COL18A1: variants seen among roughly 807,000 people sequenced by gnomAD.
COL18A1 encodes the protein collagen type XVIII alpha 1 chain.
A neutral mutation model predicts 168.0 loss-of-function variants in COL18A1; 133 were observed. That is an observed-to-expected ratio of 0.79 (90% CI 0.69 to 0.91). The LOEUF is 0.91. Ranked by LOEUF, COL18A1 falls within the 40% of genes least tolerant of loss-of-function variation. COL18A1 has a pLI of 0.00. For missense variants in COL18A1, 2,126 were observed against 1,925.4 expected, an observed-to-expected ratio of 1.10 and a Z score of -1.95; for synonymous variants, 949 against 809.0, an observed-to-expected ratio of 1.17 and a Z score of -2.94.
At chr21:45,417,576 T>C (rs1177038419) in intron 2 of COL18A1, among the ~76,000 whole-genome samples, 3 of 152,124 alleles carry the variant, frequency 2.0e-5, no homozygotes. Flanking sequence ...AGGACCGCGG[T>C]CTCTCTGGCA....
chr21:45,457,612 G>A lies in COL18A1; in HGVS notation c.107-10630G>A, dbSNP rs978311665. ...CCTGGGGGCAGGGGCAGCCCAGAAA[G>A]GACCCCAGCAGATCCCTCCTCTGTG... On this transcript the variant is annotated intron_variant, in intron 2 of 41. Coordinates refer to ENST00000651438, the MANE Select transcript of COL18A1 (RefSeq NM_001379500.1). The surrounding 1 kb of genome is among the most constrained non-coding windows in gnomAD (Gnocchi z 4.6). 6.6e-6 allele frequency among the ~76,000 whole-genome samples: 1 copy of A among 152,192 alleles called. No homozygotes were observed. The highest frequency in any genetic ancestry group is 1.5e-5 in the Non-Finnish European group (1 of 68,026).
rs1228865191 is a variant in COL18A1, at chr21:45,509,070, G to A, written c.3250-286G>A. ...GCCCTGAATTGGAGCCGCGGCAAAG[G>A]AGAGGGCAGGTCAGGGCACGTGGTG... On this transcript the variant is annotated intron_variant, in intron 38 of 41. Coordinates refer to ENST00000651438, the MANE Select transcript of COL18A1 (RefSeq NM_001379500.1). 2.0e-5 allele frequency among the ~76,000 whole-genome samples: 3 copies of A among 152,136 alleles called. No individual in the cohort carries two copies. The East Asian group carries it at 5.8e-4, about 29-fold the overall frequency.
At chr21:45,433,436 T>G (rs573035756) in intron 2 of COL18A1, among the ~76,000 whole-genome samples, 97 of 152,292 alleles carry the variant, frequency 6.4e-4, no homozygotes, top group Non-Finnish European at 9.4e-4. Flanking sequence ...CTGGTAGTAG[T>G]TCTGTCTGGA....
Position 45,486,852 on chromosome 21 carries a change from C to T in COL18A1, c.1702-9C>T. On this transcript the variant is annotated splice_polypyrimidine_tract_variant and intron_variant, in intron 15 of 41. Transcript: ENST00000651438. ...CTGGGTCCTGACACGCTCTCCTCACCCCACGCAGGGGAGCAAGGGAGCCCC... is the reference window on the plus strand; with the variant it reads ...CTGGGTCCTGACACGCTCTCCTCACTCCACGCAGGGGAGCAAGGGAGCCCC... 4.6e-6 allele frequency: 7 copies of T among 1,527,582 alleles called. No individual in the cohort carries two copies. The highest frequency in any genetic ancestry group is 1.2e-5 in the South Asian group (1 of 82,854). 94.6% of individuals were successfully genotyped at this position (1,527,582 alleles called of 1,614,324 possible). A position where few individuals can be genotyped will look rare whatever the true frequency, so the allele number is the denominator to read the frequency against.
At chr21:45,431,049 C>T (rs1314696331) in intron 2 of COL18A1, among the ~76,000 whole-genome samples, 1 of 152,162 alleles carries the variant, frequency 6.6e-6, no homozygotes, top group Non-Finnish European at 1.5e-5. Flanking sequence ...GCACTGGTCT[C>T]TTGGCTTCCA....
At position 45,509,574 on chromosome 21, in the gene COL18A1, C is replaced by G; in HGVS notation, c.3468C>G (p.Ala1156=). ...LRPARPTSPP[A]HSHRDFQPVL... ...CGGCGCGACCCACAAGCCCACCCGC[C>G]CACAGCCACCGCGACTTCCAGCCGG... The change falls in exon 39 of 42, where the codon GCC becomes GCG. Residue 1156 remains alanine (A), a synonymous_variant. Transcript: ENST00000651438. The G allele has an allele frequency of 6.5e-7, 1 of 1,527,766 alleles. No homozygotes were observed. The highest frequency in any genetic ancestry group is 8.8e-7 in the Non-Finnish European group (1 of 1,138,588). 94.6% of individuals were successfully genotyped at this position (1,527,766 alleles called of 1,614,324 possible).
chr21:45,429,157 T>C (rs1403271821), intron 2 of COL18A1, among the ~76,000 whole-genome samples: 6 of 152,250 alleles, frequency 3.9e-5, no homozygotes, highest in Admixed American at 2.6e-4. Context: ...CGCCTCGGCC[T>C]CCCAAATTGT....
Position 45,480,051 on chromosome 21 carries a change from G to A in COL18A1, c.1312-19G>A, listed in dbSNP as rs1418820885. ...TGTGTGCGTGCCCAGGGTATGATAG[G>A]CTTGTCTTGTGTTCCCAGGGAGACC... On this transcript the variant is annotated intron_variant, in intron 10 of 41. Transcript: ENST00000651438. The A allele has an allele frequency of 4.3e-6, 7 of 1,611,548 alleles. No homozygotes were observed. In the East Asian group the frequency reaches 8.9e-5, roughly 21 times the overall value.
chr21:45,490,833 C>T lies in COL18A1; in HGVS notation c.2032-3C>T, dbSNP rs781306936. On this transcript the variant is annotated splice_polypyrimidine_tract_variant and splice_region_variant and intron_variant, in intron 20 of 41. Transcript: ENST00000651438. ...ATGAACCATTTCCTTCCTGTCTCTC[C>T]AGGGGCCAAAGGGAGACAGAGGCAG... 1.1e-5 allele frequency: 17 copies of T among 1,550,040 alleles called. No individual in the cohort carries two copies. Among genetic ancestry groups the T allele is most frequent in the East Asian group, 7.3e-5 (3 of 40,920 alleles).
intron 28 of COL18A1, 157 bp from the exon 29 acceptor site, chr21:45,495,200 AG>A (rs1276530997): frequency 1.4e-6 from 1 of 696,036 alleles, no homozygotes; most frequent in Non-Finnish European, 2.6e-6. Context: ...TGTGCAGGAA[AG>A]GGGTGAGAAG....
Position 45,473,451 on chromosome 21 carries a change from G to A in COL18A1, c.652-444G>A, listed in dbSNP as rs919815345. Among the ~76,000 whole-genome samples, 2 of 152,238 alleles carry A rather than the reference G, an allele frequency of 1.3e-5. No individual in the cohort carries two copies. The highest frequency in any genetic ancestry group is 4.8e-5 in the African/African-American group (2 of 41,462). ...GAAGTTCAAAGAAAGCAAAGCCATG[G>A]TGCCACCTCGGTTGGTCCGAGTCGG... On this transcript the variant is annotated intron_variant, in intron 3 of 41. Transcript: ENST00000651438. This position sits in a 1 kb window ranked among gnomAD's most constrained non-coding sequence, Gnocchi z 4.0.
chr21:45,437,360 A>G (rs202119669), intron 2 of COL18A1, among the ~76,000 whole-genome samples: 947 of 33,478 alleles, frequency 0.028, 74 homozygotes, highest in African/African-American at 0.072. Context: ...TCTCCTGCGC[A>G]CACACACACA....
At chr21:45,468,112 A>G (rs2035279953) in intron 2 of COL18A1, 130 bp from the exon 3 acceptor site, 1 of 963,066 alleles carries the variant, frequency 1.0e-6, no homozygotes, top group South Asian at 1.6e-5. Context: ...GCAGGCTGCC[A>G]GGCACGTGGA....
intron 32 of COL18A1, among the ~76,000 whole-genome samples, chr21:45,503,697 T>C (rs1043267848): frequency 2.8e-4 from 41 of 148,986 alleles, no homozygotes; most frequent in African/African-American, 9.4e-4. Flanking sequence ...GATGACGAGT[T>C]AGTGGGTGCA....
At chr21:45,477,633 T>A in intron 7 of COL18A1, 117 bp from the exon 8 acceptor site, 1 of 1,261,978 alleles carries the variant, frequency 7.9e-7, no homozygotes, top group Non-Finnish European at 1.1e-6. Context: ...GCGTCCACCC[T>A]GCGTGTCCAC....
At position 45,498,696 on chromosome 21, in the gene COL18A1, C is replaced by G; in HGVS notation, c.2683+1035C>G. 1.5e-6 allele frequency: 1 copy of G among 649,270 alleles called. No individual in the cohort carries two copies. The highest frequency in any genetic ancestry group is 2.8e-6 in the Non-Finnish European group (1 of 354,152). The allele number at this position is 649,270 out of a possible 1,614,324, so 40.2% of individuals were successfully genotyped here. A position where few individuals can be genotyped will look rare whatever the true frequency, so the allele number is the denominator to read the frequency against. On this transcript the variant is annotated intron_variant, in intron 32 of 41. Coordinates refer to ENST00000651438, the MANE Select transcript of COL18A1 (RefSeq NM_001379500.1). The surrounding 1 kb of genome is among the most constrained non-coding windows in gnomAD (Gnocchi z 4.5). ...GCCTTGGATCTCTCAGCGTCACACA[C>G]GACGCCCAGGAAGGAGTGAATGATG...
In COL18A1 at chr21:45,486,936, C is replaced by A; in HGVS notation, c.1777C>A (p.Pro593Thr). ...GGCAGGAGCCCCCGGACCTGCTGGA[C>A]CACCAGGCCCCCCTGGGCCCCCTGG... ...GLAGAPGPAG[P>T]PGPPGPPGPP... Residue 593 changes from proline (P) to threonine (T), a missense_variant, in exon 16 of 42, where the codon CCA (proline) becomes ACA (threonine). By Grantham distance (38) the Pro-to-Thr change is conservative (BLOSUM62 -1). Transcript: ENST00000651438. 1 of 1,503,242 alleles carries A rather than the reference C, an allele frequency of 6.7e-7. No homozygotes were observed. The highest frequency in any genetic ancestry group is 8.9e-7 in the Non-Finnish European group (1 of 1,127,214). The allele number at this position is 1,503,242 out of a possible 1,614,324, so 93.1% of individuals were successfully genotyped here. A position where few individuals can be genotyped will look rare whatever the true frequency, so the allele number is the denominator to read the frequency against.
intron 2 of COL18A1, among the ~76,000 whole-genome samples, chr21:45,406,563 A>AGAGCGGCTGT (rs2033116317): frequency 6.6e-6 from 1 of 152,174 alleles, no homozygotes; most frequent in Admixed American, 6.5e-5. Flanking sequence ...ACACGGGCGG[A>AGAGCGGCTGT]GAGCGGCTGT....
At chr21:45,492,471 T>C (rs2036385445) in intron 22 of COL18A1, 64 bp from the exon 23 acceptor site, 2 of 1,589,966 alleles carry the variant, frequency 1.3e-6, no homozygotes, top group South Asian at 1.1e-5. Context: ...TGTAAGTCGC[T>C]CGAGTCCAGT....
Sources: gnomAD v4.1 joint callset for allele counts (sites outside exome capture counted in the v4.1 genomes callset) on GRCh38, gnomAD v4.1.1 for gene constraint, Gnocchi (gnomAD v3.1) non-coding constraint, MANE v1.5 for transcripts, NCBI Gene and HGNC (gene_info 2026-07-23, HGNC 2026-07-21) for gene names.